Variants in BCL2 observed in about 807,000 individuals in gnomAD.
BCL2 encodes apoptosis regulator Bcl-2.
BCL2 carries 1 observed loss-of-function variant against 14.2 expected under a neutral mutation model. That is an observed-to-expected ratio of 0.07 (90% CI 0.02 to 0.33). The LOEUF (loss-of-function observed/expected upper bound fraction) is 0.33. BCL2 is among the 10% of genes least tolerant of loss of function. The pLI is 0.99. For missense variants in BCL2, 247 were observed against 305.9 expected (o/e 0.81, Z 1.44); for synonymous variants, 151 against 137.2 (o/e 1.10, Z -0.70).
chr18:63,178,899 C>CAAAAAAAAAAAA (rs111876869), intron 2 of BCL2, among the ~76,000 whole-genome samples: 1 of 132,920 alleles, frequency 7.5e-6, no homozygotes. Flanking sequence ...GGGTTCAAGG[C>CAAAAAAAAAAAA]AAAAAAAAAA....
At chr18:63,182,399 A>T (rs1599229810) in intron 2 of BCL2, among the ~76,000 whole-genome samples, 1 of 152,250 alleles carries the variant, frequency 6.6e-6, no homozygotes, top group Admixed American at 6.5e-5. Context: ...GTGCCAGTCC[A>T]GCCACATCTG....
chr18:63,275,352 C>CA (rs1912123822), intron 2 of BCL2, among the ~76,000 whole-genome samples: 1 of 152,074 alleles, frequency 6.6e-6, no homozygotes, highest in Non-Finnish European at 1.5e-5. Flanking sequence ...TCAGCAACAA[C>CA]AATGCCTTTC....
In BCL2 at chr18:63,124,077, T is replaced by A. The variant is rs1568209345; in HGVS notation, c.*4548A>T. On this transcript the variant is annotated 3_prime_UTR_variant, in exon 3 of 3. Transcript: ENST00000333681. ...CCGGTACAGTACCATTCATGCTCCATCTGATTTTCTTTGCATCCAGTGAGA... is the reference window on the plus strand; with the variant it reads ...CCGGTACAGTACCATTCATGCTCCAACTGATTTTCTTTGCATCCAGTGAGA... The A allele has an allele frequency of 4.5e-6, 1 of 221,392 alleles. No individual in the cohort carries two copies. The highest frequency in any genetic ancestry group is 9.0e-6 in the Non-Finnish European group (1 of 110,628). The allele number at this position is 221,392 out of a possible 1,614,324, so 13.7% of individuals were successfully genotyped here. A position where few individuals can be genotyped will look rare whatever the true frequency, so the allele number is the denominator to read the frequency against.
chr18:63,291,502 C>A (rs1912644585), intron 2 of BCL2, among the ~76,000 whole-genome samples: 1 of 152,188 alleles, frequency 6.6e-6, no homozygotes, highest in South Asian at 2.1e-4. Context: ...GAAACCAATA[C>A]TCATCAAGTG....
chr18:63,142,736 G>C (rs1468126273), intron 2 of BCL2, among the ~76,000 whole-genome samples: 1 of 152,202 alleles, frequency 6.6e-6, no homozygotes, highest in African/African-American at 2.4e-5. Flanking sequence ...GGGACAAGGG[G>C]AGCTGACGGA....
chr18:63,236,101 T>C (rs969102007), intron 2 of BCL2, among the ~76,000 whole-genome samples: 6 of 152,202 alleles, frequency 3.9e-5, no homozygotes, highest in African/African-American at 1.4e-4. Flanking sequence ...TCACAAGATC[T>C]GATGGTTTTA....
At position 63,220,966 on chromosome 18, in the gene BCL2, AAATGGT is replaced by A. The variant is rs146003056; in HGVS notation, c.586-92213_586-92208del. On this transcript the variant is annotated intron_variant, in intron 2 of 2. Coordinates refer to ENST00000333681, the MANE Select transcript of BCL2 (RefSeq NM_000633.3). ...CACAACAGCAAGTCAAGACAAACAC[AAATGGT>A]ATATGTGGCTTTTCCAAAATGTCTC... is the stretch of plus-strand genomic sequence containing the variant. 6.2e-3 allele frequency among the ~76,000 whole-genome samples: 946 copies of A among 152,336 alleles called. 8 individuals carry two copies. Among genetic ancestry groups the A allele is most frequent in the African/African-American group, 0.022 (895 of 41,568 alleles).
At chr18:63,256,801 T>C (rs976868633) in intron 2 of BCL2, among the ~76,000 whole-genome samples, 1 of 152,196 alleles carries the variant, frequency 6.6e-6, no homozygotes, top group African/African-American at 2.4e-5. Flanking sequence ...TACCAGGTCC[T>C]AATCAATCAA....
At chr18:63,197,452 C>T (rs1909474780) in intron 2 of BCL2, among the ~76,000 whole-genome samples, 1 of 152,168 alleles carries the variant, frequency 6.6e-6, no homozygotes, top group Non-Finnish European at 1.5e-5. Context: ...AGCAATTTGT[C>T]CTGCTTGAAT....
intron 2 of BCL2, among the ~76,000 whole-genome samples, chr18:63,223,840 C>T (rs754229611): frequency 6.6e-5 from 10 of 152,208 alleles, no homozygotes; most frequent in Non-Finnish European, 1.2e-4. Flanking sequence ...GCTTTCAATA[C>T]ATCTGTTATT....
chr18:63,245,734 G>A (rs556061346), intron 2 of BCL2, among the ~76,000 whole-genome samples: 4 of 152,136 alleles, frequency 2.6e-5, no homozygotes, highest in African/African-American at 4.8e-5. Context: ...TATGCAAGAC[G>A]TTACCATTCA....
intron 2 of BCL2, among the ~76,000 whole-genome samples, chr18:63,257,020 T>C (rs888669889): frequency 6.6e-6 from 1 of 152,250 alleles, no homozygotes; most frequent in Non-Finnish European, 1.5e-5. Flanking sequence ...TGTAACTTAT[T>C]CCAAGGTTAT....
At chr18:63,305,335 G>C (rs1913090997) in intron 2 of BCL2, among the ~76,000 whole-genome samples, 1 of 152,174 alleles carries the variant, frequency 6.6e-6, no homozygotes. Flanking sequence ...AAGCAGCACA[G>C]GATAAAGAAA....
intron 2 of BCL2, among the ~76,000 whole-genome samples, chr18:63,153,249 TA>T (rs1287293500): frequency 6.6e-6 from 1 of 152,224 alleles, no homozygotes; most frequent in African/African-American, 2.4e-5. Context: ...TATGAATTCA[TA>T]AAACAGAGAA....
chr18:63,219,381 A>G (rs1910315784), intron 2 of BCL2, among the ~76,000 whole-genome samples: 1 of 152,002 alleles, frequency 6.6e-6, no homozygotes, highest in Admixed American at 6.6e-5. Flanking sequence ...CTAGGTCACA[A>G]AGTTCTGGAG....
chr18:63,211,063 C>CTTTTTT (rs59302545), intron 2 of BCL2, among the ~76,000 whole-genome samples: 111 of 59,186 alleles, frequency 1.9e-3, no homozygotes, highest in African/African-American at 6.1e-3. Context: ...CTTTTCATTT[C>CTTTTTT]TTTTTTTTTT....
chr18:63,191,094 G>A (rs188558112), intron 2 of BCL2, among the ~76,000 whole-genome samples: 248 of 152,246 alleles, frequency 1.6e-3, no homozygotes, highest in African/African-American at 5.4e-3. Flanking sequence ...TCTTTATCCA[G>A]TCTATCATTG....
chr18:63,162,787 C>T (rs1173588946), intron 2 of BCL2, among the ~76,000 whole-genome samples: 1 of 152,120 alleles, frequency 6.6e-6, no homozygotes, highest in Non-Finnish European at 1.5e-5. Context: ...CCTCCCAAAC[C>T]CCCAAACTCT....
At chr18:63,171,522 G>A (rs1915219571) in intron 2 of BCL2, among the ~76,000 whole-genome samples, 1 of 152,206 alleles carries the variant, frequency 6.6e-6, no homozygotes, top group African/African-American at 2.4e-5. Context: ...AAATGAGAAG[G>A]GATGTTACTG....
Sources: allele counts gnomAD v4.1 joint callset (sites outside exome capture counted in the v4.1 genomes callset), GRCh38; gene constraint gnomAD v4.1.1; transcripts MANE v1.5; gene names NCBI Gene and HGNC (gene_info 2026-07-23, HGNC 2026-07-21).